The following WNT8B variants were observed in gnomAD, a reference collection of about 807,000 sequenced individuals.
WNT8B encodes the protein Wnt family member 8B, also known as protein Wnt-8b.
WNT8B carries 24 observed loss-of-function variants against 36.6 expected under a neutral mutation model. The observed-to-expected ratio is 0.66, with a 90% confidence interval of 0.48 to 0.92. The LOEUF (loss-of-function observed/expected upper bound fraction) is 0.92. WNT8B is among the 40% of genes least tolerant of loss of function. The pLI is 0.00. For synonymous variants in WNT8B, 199 were observed against 189.8 expected (o/e 1.05, Z -0.40); for missense variants, 402 against 470.8 (o/e 0.85, Z 1.35).
Position 100,482,357 on chromosome 10 carries a change from C to A in WNT8B, c.597C>A (p.Pro199=). The A allele has an allele frequency of 6.2e-7, 1 of 1,605,180 alleles. No homozygotes were observed. Residue 199 remains proline (P), a synonymous_variant, in exon 6 of 6, where the codon CCC becomes CCA. Coordinates refer to ENST00000343737, the MANE Select transcript of WNT8B (RefSeq NM_003393.4). This position sits in a 1 kb window ranked among gnomAD's most constrained non-coding sequence, Gnocchi z 6.6. ...CTTQTCWLQL[P]EFREVGAHLK... ...CGCAGACCTGTTGGCTGCAGCTGCC[C>A]GAGTTCCGCGAGGTGGGCGCGCACC...
intron 1 of WNT8B, among the ~76,000 whole-genome samples, chr10:100,469,212 T>C (rs1305750053): frequency 6.6e-6 from 1 of 152,140 alleles, no homozygotes; most frequent in African/African-American, 2.4e-5. Context: ...ACTGCAATCA[T>C]TTCTCCTTTC....
chr10:100,474,258 AC>A (rs1227127645), intron 1 of WNT8B, among the ~76,000 whole-genome samples: 2 of 152,122 alleles, frequency 1.3e-5, no homozygotes, highest in Non-Finnish European at 2.9e-5. Flanking sequence ...GGAAGCTTGT[AC>A]CTCCATCTGG....
intron 1 of WNT8B, among the ~76,000 whole-genome samples, chr10:100,477,774 GTTTTTT>G (rs769982407): frequency 1.0e-5 from 1 of 97,140 alleles, no homozygotes; most frequent in African/African-American, 3.5e-5. Flanking sequence ...TTCATTTTTA[GTTTTTT>G]TTTGTTTTTT....
chr10:100,482,181 G>A lies in WNT8B; in HGVS notation c.511-90G>A. 1 of 1,534,974 alleles carries A rather than the reference G, an allele frequency of 6.5e-7. No individual in the cohort carries two copies. The highest frequency in any genetic ancestry group is 8.7e-7 in the Non-Finnish European group (1 of 1,143,650). ...AGGTACCAAGTGGGCTGGCCCAGTAGACTAACTAGACTTCTCGCAACTCCC... is the reference window on the plus strand; with the variant it reads ...AGGTACCAAGTGGGCTGGCCCAGTAAACTAACTAGACTTCTCGCAACTCCC... On this transcript the variant is annotated intron_variant, in intron 5 of 5. Coordinates refer to ENST00000343737, the MANE Select transcript of WNT8B (RefSeq NM_003393.4). The surrounding 1 kb of genome is among the most constrained non-coding windows in gnomAD (Gnocchi z 6.6).
In WNT8B at chr10:100,463,283, T is replaced by G. The variant is rs767475174; in HGVS notation, c.68+47T>G. On this transcript the variant is annotated intron_variant, in intron 1 of 5. Coordinates refer to ENST00000343737, the MANE Select transcript of WNT8B (RefSeq NM_003393.4). ...CTGGAGCTGGGAATAGGTAAGTGTA[T>G]GTAATGTGTTGGGTAAAGCTCATTT... 121 of 1,558,782 alleles carry G rather than the reference T, an allele frequency of 7.8e-5. 1 individual carries two copies. In the East Asian group the frequency reaches 2.5e-3, roughly 33 times the overall value.
Position 100,482,241 on chromosome 10 carries a change from G to C in WNT8B, c.511-30G>C, listed in dbSNP as rs17113137. ...GTTAAACTCGCCACGCGCTTAATCC[G>C]GGGCCTCTCACTCCTAGCTCTCTCC... On this transcript the variant is annotated intron_variant, in intron 5 of 5. Transcript: ENST00000343737. The surrounding 1 kb of genome is among the most constrained non-coding windows in gnomAD (Gnocchi z 6.6). 342,726 of 1,551,898 alleles carry C rather than the reference G, an allele frequency of 0.22. 38,570 individuals carry two copies. The highest frequency in any genetic ancestry group is 0.23 in the South Asian group (19,193 of 83,396).
intron 1 of WNT8B, among the ~76,000 whole-genome samples, chr10:100,472,302 G>A (rs1325628457): frequency 6.6e-6 from 1 of 151,748 alleles, no homozygotes; most frequent in Non-Finnish European, 1.5e-5. Context: ...AGTAGCGACG[G>A]GGTTTCACCG....
Position 100,479,891 on chromosome 10 carries a change from C to CA in WNT8B, c.121dup (p.Ser41LysfsTer12). 6.2e-7 allele frequency: 1 copy of CA among 1,614,004 alleles called. No homozygotes were observed. Among genetic ancestry groups the CA allele is most frequent in the Non-Finnish European group, 8.5e-7 (1 of 1,179,932 alleles). On this transcript the variant is annotated frameshift_variant, in exon 3 of 6. Transcript: ENST00000343737. LOFTEE classifies it high-confidence loss of function. ...CCCTACAGGCTTACCTGATTTACTC[C>CA]AGCAGTGTGGCAGCTGGTGCCCAGA...
intron 3 of WNT8B, among the ~76,000 whole-genome samples, chr10:100,480,354 C>T (rs1851094591): frequency 6.6e-6 from 1 of 152,192 alleles, no homozygotes; most frequent in Non-Finnish European, 1.5e-5. Context: ...TAGCCCCTTC[C>T]TCAGCAGAGA....
intron 2 of WNT8B, 114 bp from the exon 3 acceptor site, chr10:100,479,760 C>T: frequency 3.0e-6 from 4 of 1,332,318 alleles, no homozygotes; most frequent in Non-Finnish European, 4.1e-6. Context: ...TATTTAAAGG[C>T]TTACTCCATT....
At chr10:100,481,491 C>T (rs778703251) in intron 4 of WNT8B, among the ~76,000 whole-genome samples, 2 of 152,182 alleles carry the variant, frequency 1.3e-5, no homozygotes, top group Non-Finnish European at 2.9e-5. Flanking sequence ...GACCAATTTC[C>T]AACATCGTTG....
Position 100,482,174 on chromosome 10 carries a change from C to T in WNT8B, c.511-97C>T, listed in dbSNP as rs1318409088. The T allele has an allele frequency of 4.5e-6, 7 of 1,544,948 alleles. No individual in the cohort carries two copies. Among genetic ancestry groups the T allele is most frequent in the South Asian group, 3.7e-5 (3 of 81,908 alleles). On this transcript the variant is annotated intron_variant, in intron 5 of 5. Transcript: ENST00000343737. This position sits in a 1 kb window ranked among gnomAD's most constrained non-coding sequence, Gnocchi z 6.6. ...CAAAATGAGGTACCAAGTGGGCTGGCCCAGTAGACTAACTAGACTTCTCGC... is the reference window on the plus strand; with the variant it reads ...CAAAATGAGGTACCAAGTGGGCTGGTCCAGTAGACTAACTAGACTTCTCGC...
At chr10:100,479,748 C>T (rs1230209878) in intron 2 of WNT8B, 126 bp from the exon 3 acceptor site, 5 of 1,209,032 alleles carry the variant, frequency 4.1e-6, no homozygotes, top group East Asian at 2.5e-5. Context: ...AATGAGACAG[C>T]ATATTTAAAG....
In WNT8B at chr10:100,482,020, C is replaced by T. The variant is rs995085672; in HGVS notation, c.476C>T (p.Ala159Val). 11 of 1,614,080 alleles carry T rather than the reference C, an allele frequency of 6.8e-6. No homozygotes were observed. In the African/African-American group the frequency reaches 1.5e-4, roughly 22 times the overall value. ...GAAACAGGACAGGATGCACGGGCAGCCATGAACCTGCACAACAACGAGGCT... is the reference window on the plus strand; with the variant it reads ...GAAACAGGACAGGATGCACGGGCAGTCATGAACCTGCACAACAACGAGGCT... ...ALETGQDARAAMNLHNNEAGR... is the reference protein window; with the variant it reads ...ALETGQDARAVMNLHNNEAGR... Residue 159 changes from alanine (A) to valine (V), a missense_variant, in exon 5 of 6, where the codon GCC (alanine) becomes GTC (valine). Around this residue, in one of 3 missense-constraint regions of WNT8B, gnomAD observed 256 missense variants for 278.6 expected, o/e 0.92. Transcript: ENST00000343737. The surrounding 1 kb of genome is among the most constrained non-coding windows in gnomAD (Gnocchi z 6.6).
intron 1 of WNT8B, 32 bp from the exon 2 acceptor site, chr10:100,479,020 T>C: frequency 6.3e-7 from 1 of 1,580,024 alleles, no homozygotes; most frequent in Non-Finnish European, 8.6e-7. Flanking sequence ...CTCTGCATTA[T>C]ATTCTGTTTT....
intron 1 of WNT8B, among the ~76,000 whole-genome samples, chr10:100,470,064 T>C (rs774465340): frequency 9.2e-5 from 14 of 152,194 alleles, no homozygotes; most frequent in Non-Finnish European, 1.6e-4. Context: ...TCCTTTCCCC[T>C]GGGCCAGCAC....
At chr10:100,470,084 G>A (rs1160293411) in intron 1 of WNT8B, among the ~76,000 whole-genome samples, 2 of 152,084 alleles carry the variant, frequency 1.3e-5, no homozygotes, top group Admixed American at 6.6e-5. Context: ...CTCCAATTTC[G>A]GTAATCAGAT....
Position 100,482,304 on chromosome 10 carries a change from T to C in WNT8B, c.544T>C (p.Cys182Arg), listed in dbSNP as rs937020134. 3 of 1,595,936 alleles carry C rather than the reference T, an allele frequency of 1.9e-6. No individual in the cohort carries two copies. The highest frequency in any genetic ancestry group is 2.6e-6 in the Non-Finnish European group (3 of 1,176,018). The part of the protein sequence containing the change: ...VKGTMKRTCK[C>R]HGVSGSCTTQ... ...GGGCACCATGAAACGCACGTGCAAG[T>C]GCCACGGCGTGTCTGGCAGCTGCAC... is the stretch of plus-strand genomic sequence containing the variant. The change falls in exon 6 of 6, where the codon TGC (cysteine) becomes CGC (arginine). Residue 182 changes from cysteine to arginine, a missense_variant. Cys to Arg is a radical substitution (Grantham distance 180, BLOSUM62 -3). Transcript: ENST00000343737. This position sits in a 1 kb window ranked among gnomAD's most constrained non-coding sequence, Gnocchi z 6.6.
rs781421856 is a variant in WNT8B at position 100,482,368 on chromosome 10, A to T, written c.608A>T (p.Glu203Val). 6.2e-7 allele frequency: 1 copy of T among 1,605,808 alleles called. No homozygotes were observed. The highest frequency in any genetic ancestry group is 1.1e-5 in the South Asian group (1 of 91,044). ...TCWLQLPEFR[E>V]VGAHLKEKYH... ...TGGCTGCAGCTGCCCGAGTTCCGCG[A>T]GGTGGGCGCGCACCTGAAGGAGAAG... is the stretch of plus-strand genomic sequence containing the variant. The change falls in exon 6 of 6, where the codon GAG becomes GTG. Residue 203 changes from glutamate to valine, a missense_variant. Coordinates refer to ENST00000343737, the MANE Select transcript of WNT8B (RefSeq NM_003393.4). This position sits in a 1 kb window ranked among gnomAD's most constrained non-coding sequence, Gnocchi z 6.6.
Sources: allele counts gnomAD v4.1 joint callset (sites outside exome capture counted in the v4.1 genomes callset), GRCh38; gene constraint gnomAD v4.1.1; regional missense constraint gnomAD v4.1.1; non-coding constraint Gnocchi (gnomAD v3.1); transcripts MANE v1.5; gene names NCBI Gene and HGNC (gene_info 2026-07-23, HGNC 2026-07-21).